The following MCM9 variants were observed in gnomAD, a reference collection of about 807,000 sequenced individuals.
MCM9 encodes minichromosome maintenance 9 homologous recombination repair factor.
MCM9 carries 55 observed loss-of-function variants against 72.8 expected under a neutral mutation model. The ratio of observed to expected loss-of-function variants is 0.76; its 90% CI spans 0.61 to 0.95. The LOEUF is 0.95. Ranked by LOEUF, MCM9 falls within the 40% of genes least tolerant of loss-of-function variation. The pLI, the probability that MCM9 is intolerant of heterozygous loss-of-function variation, is 0.00. For missense variants in MCM9, 1,279 were observed against 1,377.0 expected (o/e 0.93, Z 1.13); for synonymous variants, 480 against 503.4 (o/e 0.95, Z 0.62).
intron 8 of MCM9, among the ~76,000 whole-genome samples, chr6:118,897,858 A>G (rs1779538180): frequency 6.6e-6 from 1 of 152,242 alleles, no homozygotes; most frequent in South Asian, 2.1e-4. Flanking sequence ...ACTGATGCCA[A>G]TGTATAAAAG....
At chr6:118,877,479 A>G (rs567859445) in intron 8 of MCM9, among the ~76,000 whole-genome samples, 2 of 152,352 alleles carry the variant, frequency 1.3e-5, no homozygotes, top group Non-Finnish European at 2.9e-5. Context: ...AATTCAAATT[A>G]AAACTACAGT....
intron 9 of MCM9, among the ~76,000 whole-genome samples, chr6:118,836,534 G>C (rs1387510964): frequency 6.6e-6 from 1 of 152,196 alleles, no homozygotes; most frequent in South Asian, 2.1e-4. Flanking sequence ...CTTGTTATTG[G>C]TCTATTCAGG....
chr6:118,889,121 T>C lies in MCM9; in HGVS notation c.1150+22529A>G, dbSNP rs145443516. Among the ~76,000 whole-genome samples the C allele has an allele frequency of 2.5e-3, 378 of 152,360 alleles. 4 individuals are homozygous for C. The highest frequency in any genetic ancestry group is 0.02 in the Middle Eastern group (6 of 294). The stretch of plus-strand genomic sequence containing the variant: ...CTGTTACCTGAAAAATATTACTGTG[T>C]AATCATACCAGGGGGTACTTAGAGG... On this transcript the variant is annotated intron_variant, in intron 8 of 13. Transcript: ENST00000619706.
chr6:118,877,962 G>T (rs1256621019), intron 8 of MCM9, among the ~76,000 whole-genome samples: 1 of 152,142 alleles, frequency 6.6e-6, no homozygotes, highest in African/African-American at 2.4e-5. Context: ...AGGAGTTCAA[G>T]ACAAGCCTGG....
chr6:118,875,358 G>A (rs1468791416), intron 8 of MCM9, among the ~76,000 whole-genome samples: 2 of 152,198 alleles, frequency 1.3e-5, no homozygotes, highest in African/African-American at 4.8e-5. Flanking sequence ...AGCAAAAGCT[G>A]GGCGCAGTGG....
At chr6:118,917,438 C>A in intron 6 of MCM9, 123 bp downstream of exon 6, 2 of 958,194 alleles carry the variant, frequency 2.1e-6, no homozygotes, top group Non-Finnish European at 3.2e-6. Context: ...AATGACTAAT[C>A]CTACCCTTTA....
intron 8 of MCM9, among the ~76,000 whole-genome samples, chr6:118,887,484 T>A (rs1778673314): frequency 6.6e-6 from 1 of 152,090 alleles, no homozygotes; most frequent in African/African-American, 2.4e-5. Context: ...TCAAACTTGA[T>A]CAAAGACCCA....
At position 118,917,776 on chromosome 6, in the gene MCM9, C is replaced by A. The variant is rs1562437391; in HGVS notation, c.704-15G>T. ...GAGGTCATCACCTAGGAAAAAGCAT[C>A]AAGTGAGTCCAGCAGTAGCATCCTG... On this transcript the variant is annotated splice_polypyrimidine_tract_variant and intron_variant, in intron 5 of 13. Coordinates refer to ENST00000619706, the MANE Select transcript of MCM9 (RefSeq NM_017696.3). The A allele has an allele frequency of 1.9e-6, 3 of 1,610,548 alleles. No homozygotes were observed. The South Asian group carries it at 3.3e-5, about 18-fold the overall frequency.
chr6:118,820,780 G>A (rs776248717), intron 13 of MCM9, among the ~76,000 whole-genome samples: 8 of 151,862 alleles, frequency 5.3e-5, no homozygotes, highest in African/African-American at 1.7e-4. Context: ...GGTCTCTAAG[G>A]ACTTCTTTTA....
chr6:118,894,583 C>G, intron 8 of MCM9: 1 of 1,374,380 alleles, frequency 7.3e-7, no homozygotes, highest in Non-Finnish European at 1.0e-6. Flanking sequence ...TGAAAGTTTC[C>G]CGGGCCGGGC....
Position 118,910,666 on chromosome 6 carries a change from G to A in MCM9, c.1150+984C>T, listed in dbSNP as rs555065691. 1.9e-4 allele frequency: 188 copies of A among 985,238 alleles called. No homozygotes were observed. The African/African-American group carries it at 3.1e-3, about 16-fold the overall frequency. 61.0% of individuals were successfully genotyped at this position (985,238 alleles called of 1,614,324 possible). The stretch of plus-strand genomic sequence containing the variant: ...AGAACTCTAGAACACTGGGTCATAC[G>A]GATTTAAAACGCATGGGAAATATTC... On this transcript the variant is annotated intron_variant, in intron 8 of 13. Transcript: ENST00000619706.
At chr6:118,870,292 T>C (rs1777513166) in intron 8 of MCM9, among the ~76,000 whole-genome samples, 1 of 152,172 alleles carries the variant, frequency 6.6e-6, no homozygotes, top group South Asian at 2.1e-4. Flanking sequence ...TGAATTCATA[T>C]CAAGTATCTT....
intron 5 of MCM9, chr6:118,919,117 A>C (rs1338754927): frequency 6.6e-6 from 1 of 152,212 alleles, no homozygotes; most frequent in Non-Finnish European, 1.5e-5. Context: ...GACATGGAAC[A>C]ATTCTCTATT....
At position 118,878,241 on chromosome 6, in the gene MCM9, CA is replaced by C. The variant is rs1308427037; in HGVS notation, c.1151-21697del. ...GAGAATATTAAAAGATAATACTGAT[CA>C]AAAAATACATAGTCTACAATTTAAT... is the stretch of plus-strand genomic sequence containing the variant. On this transcript the variant is annotated intron_variant, in intron 8 of 13. Transcript: ENST00000619706. Among the ~76,000 whole-genome samples, 6 of 151,680 alleles carry C rather than the reference CA, an allele frequency of 4.0e-5. No homozygotes were observed. In the South Asian group the frequency reaches 1.3e-3, roughly 32 times the overall value.
At chr6:118,882,999 G>C (rs1374730044) in intron 8 of MCM9, among the ~76,000 whole-genome samples, 2 of 146,880 alleles carry the variant, frequency 1.4e-5, no homozygotes, top group African/African-American at 5.1e-5. Context: ...AGCTGCCTGT[G>C]AGAGGATCCA....
intron 1 of MCM9, 45 bp from the exon 2 acceptor site, chr6:118,932,785 AAACACTG>A (rs1782546110): frequency 6.2e-6 from 1 of 161,278 alleles, no homozygotes; most frequent in Admixed American, 6.5e-5. Flanking sequence ...GAAGGTGAAA[AAACACTG>A]AGTCTTCAAA....
chr6:118,846,660 G>T (rs1182254371), intron 9 of MCM9, among the ~76,000 whole-genome samples: 1 of 151,742 alleles, frequency 6.6e-6, no homozygotes, highest in Non-Finnish European at 1.5e-5. Flanking sequence ...AAGGAGGCAA[G>T]CAGTGGATAT....
rs944396355 is a variant in MCM9 at position 118,813,946 on chromosome 6, T to C, written c.*878A>G. 3.3e-5 allele frequency: 5 copies of C among 152,218 alleles called. No homozygotes were observed. The highest frequency in any genetic ancestry group is 1.2e-4 in the African/African-American group (5 of 41,456). The allele number at this position is 152,218 out of a possible 1,614,324, so 9.4% of individuals were successfully genotyped here. A position where few individuals can be genotyped will look rare whatever the true frequency, so the allele number is the denominator to read the frequency against. ...TCTCACTCTGTCACCCAGGCTGGAA[T>C]ACAGTGGTGTGACCACAGCTCACTG... On this transcript the variant is annotated 3_prime_UTR_variant, in exon 14 of 14. Coordinates refer to ENST00000619706, the MANE Select transcript of MCM9 (RefSeq NM_017696.3).
chr6:118,916,712 G>A (rs1583659268), intron 6 of MCM9, among the ~76,000 whole-genome samples: 2 of 152,170 alleles, frequency 1.3e-5, no homozygotes, highest in South Asian at 4.2e-4. Context: ...ATGTTGGCCA[G>A]GCTGGTTTCA....
Sources: gnomAD v4.1 joint callset for allele counts (sites outside exome capture counted in the v4.1 genomes callset) on GRCh38, gnomAD v4.1.1 for gene constraint, MANE v1.5 for transcripts, NCBI Gene and HGNC (gene_info 2026-07-23, HGNC 2026-07-21) for gene names.